The following SYNE3 variants were observed in gnomAD, a reference collection of about 807,000 sequenced individuals.
SYNE3 encodes nesprin-3.
Under a neutral mutation model 111.2 loss-of-function variants are expected in SYNE3, and 100 were observed. That is an observed-to-expected ratio of 0.90 (90% CI 0.77 to 1.06). The LOEUF is 1.06. Ranked by LOEUF, SYNE3 falls within the 50% of genes least tolerant of loss-of-function variation. The pLI is 0.00. For missense variants in SYNE3, 1,160 were observed against 1,240.3 expected, an observed-to-expected ratio of 0.94 and a Z score of 0.97; for synonymous variants, 547 against 533.9, an observed-to-expected ratio of 1.02 and a Z score of -0.34.
chr14:95,439,819 G>A, intron 12 of SYNE3, 35 bp from the exon 13 acceptor site: 1 of 1,596,460 alleles, frequency 6.3e-7, no homozygotes, highest in Non-Finnish European at 8.5e-7. Context: ...CACACACACG[G>A]TGAGGGTGGA....
At chr14:95,508,353 A>G (rs929061299) in intron 1 of SYNE3, among the ~76,000 whole-genome samples, 1 of 152,248 alleles carries the variant, frequency 6.6e-6, no homozygotes, top group East Asian at 1.9e-4. Context: ...AATGGACTCC[A>G]TCGGCCCATT....
intron 1 of SYNE3, among the ~76,000 whole-genome samples, chr14:95,480,761 T>TG (rs1889191534): frequency 6.9e-6 from 1 of 145,588 alleles, no homozygotes; most frequent in South Asian, 2.2e-4. Context: ...TGATGCAAAC[T>TG]GAAAAAAAAA....
Position 95,412,491 on chromosome 14 carries a change from G to A in SYNE3, c.*5335C>T, listed in dbSNP as rs1209657218. ...GAGAATGCTTGTTGCATTGGATTAA[G>A]ATGCAAAGAGGCACAGGGCACTTCT... is the stretch of plus-strand genomic sequence containing the variant. On this transcript the variant is annotated 3_prime_UTR_variant, in exon 18 of 18. Coordinates refer to ENST00000682763, the MANE Select transcript of SYNE3 (RefSeq NM_152592.6). The A allele has an allele frequency of 2.0e-5, 3 of 152,298 alleles. No homozygotes were observed. The highest frequency in any genetic ancestry group is 6.5e-5 in the Admixed American group (1 of 15,282). 9.4% of individuals were successfully genotyped at this position (152,298 alleles called of 1,614,324 possible). A position where few individuals can be genotyped will look rare whatever the true frequency, so the allele number is the denominator to read the frequency against.
chr14:95,452,420 C>T, intron 6 of SYNE3, 37 bp from the exon 7 acceptor site: 2 of 1,575,168 alleles, frequency 1.3e-6, no homozygotes, highest in South Asian at 1.2e-5. Flanking sequence ...GGAGGTGAGG[C>T]TCCTCAACAG....
At chr14:95,437,068 C>T (rs1164273193) in intron 14 of SYNE3, 87 bp from the exon 15 acceptor site, 13 of 1,560,552 alleles carry the variant, frequency 8.3e-6, no homozygotes, top group Admixed American at 3.5e-5. Flanking sequence ...GGCAGAGGGG[C>T]AGGGACCAGG....
At position 95,443,095 on chromosome 14, in the gene SYNE3, G is replaced by A. The variant is rs147420715; in HGVS notation, c.1911+60C>T. The A allele has an allele frequency of 2.9e-3, 4,573 of 1,599,470 alleles. 92 individuals carry two copies. The African/African-American group carries it at 0.049, about 17-fold the overall frequency. On this transcript the variant is annotated intron_variant, in intron 11 of 17. Transcript: ENST00000682763. ...GGAAAGGGGAAGAAAGGCCCCAGGCGTGTTGGATGACAGGGGCCGGCTCTC... is the reference window on the plus strand; with the variant it reads ...GGAAAGGGGAAGAAAGGCCCCAGGCATGTTGGATGACAGGGGCCGGCTCTC...
chr14:95,440,194 A>G, intron 11 of SYNE3, 119 bp from the exon 12 acceptor site: 4 of 1,159,272 alleles, frequency 3.5e-6, no homozygotes, highest in Non-Finnish European at 4.8e-6. Flanking sequence ...CTCCCCACCA[A>G]GTAGCACCAC....
Position 95,410,974 on chromosome 14 carries a change from G to A in SYNE3, c.*6852C>T, listed in dbSNP as rs7140294. On this transcript the variant is annotated 3_prime_UTR_variant, in exon 18 of 18. Coordinates refer to ENST00000682763, the MANE Select transcript of SYNE3 (RefSeq NM_152592.6). ...CCTGTCTAGTGCTGAGCAGTATCAA[G>A]CTGTCATCCAGTGGGTGCAGAGACC... The A allele has an allele frequency of 0.58, 87,654 of 151,742 alleles. 25,816 individuals carry two copies. Among genetic ancestry groups the A allele is most frequent in the East Asian group, 0.78 (4,023 of 5,130 alleles). The allele number at this position is 151,742 out of a possible 1,614,324, so 9.4% of individuals were successfully genotyped here. A position where few individuals can be genotyped will look rare whatever the true frequency, so the allele number is the denominator to read the frequency against.
chr14:95,455,762 GA>G (rs746137168), intron 5 of SYNE3, 38 bp from the exon 6 acceptor site: 2 of 1,592,998 alleles, frequency 1.3e-6, no homozygotes, highest in East Asian at 4.5e-5. Context: ...AACAGGCAGG[GA>G]AAAAGAATAC....
intron 15 of SYNE3, 49 bp from the exon 16 acceptor site, chr14:95,433,458 GCCCCA>G: frequency 6.2e-7 from 1 of 1,605,548 alleles, no homozygotes; most frequent in Admixed American, 1.7e-5. Context: ...GGCCCAGACA[GCCCCA>G]CCTGAATGGT....
intron 1 of SYNE3, among the ~76,000 whole-genome samples, chr14:95,496,990 C>T (rs1890120739): frequency 6.6e-6 from 1 of 152,212 alleles, no homozygotes. Context: ...GCTGCTGGCC[C>T]TCTTTTCAGG....
Position 95,413,124 on chromosome 14 carries a change from C to T in SYNE3, c.*4702G>A, listed in dbSNP as rs1342115491. 6.6e-6 allele frequency: 1 copy of T among 152,126 alleles called. No individual in the cohort carries two copies. The highest frequency in any genetic ancestry group is 1.5e-5 in the Non-Finnish European group (1 of 68,040). The allele number at this position is 152,126 out of a possible 1,614,324, so 9.4% of individuals were successfully genotyped here. A position where few individuals can be genotyped will look rare whatever the true frequency, so the allele number is the denominator to read the frequency against. ...AAGTTGGGAACCATGAAGGCACAGC[C>T]TGCCATTCCCATTCTCTTTTTCTCT... On this transcript the variant is annotated 3_prime_UTR_variant, in exon 18 of 18. Coordinates refer to ENST00000682763, the MANE Select transcript of SYNE3 (RefSeq NM_152592.6).
intron 1 of SYNE3, among the ~76,000 whole-genome samples, chr14:95,511,154 A>G (rs1890707152): frequency 6.6e-6 from 1 of 152,204 alleles, no homozygotes; most frequent in South Asian, 2.1e-4. Context: ...AAGGCACTGA[A>G]CCTCTCTGAA....
At chr14:95,461,561 A>G (rs1887819380) in intron 4 of SYNE3, among the ~76,000 whole-genome samples, 1 of 152,090 alleles carries the variant, frequency 6.6e-6, no homozygotes, top group Admixed American at 6.6e-5. Flanking sequence ...GTCCCCATCA[A>G]CCCTAGAGGC....
At chr14:95,435,479 C>A (rs1886033594) in intron 15 of SYNE3, among the ~76,000 whole-genome samples, 1 of 151,884 alleles carries the variant, frequency 6.6e-6, no homozygotes, top group Non-Finnish European at 1.5e-5. Flanking sequence ...AGACATAAAG[C>A]ACACAGTGAG....
chr14:95,497,446 C>G (rs934190360), intron 1 of SYNE3, among the ~76,000 whole-genome samples: 1 of 88,394 alleles, frequency 1.1e-5, no homozygotes, highest in Non-Finnish European at 2.2e-5. Flanking sequence ...ACAGTTTTCC[C>G]GAGGGGAGAA....
rs1221942145 is a variant in SYNE3, at chr14:95,436,008, A to G, written c.2538+812T>C. Among the ~76,000 whole-genome samples the G allele has an allele frequency of 2.0e-5, 3 of 152,210 alleles. No homozygotes were observed. The East Asian group carries it at 5.8e-4, about 29-fold the overall frequency. ...GTGCGAGGGAAGAGAAACACAAAATATCTAGGAGGTGGAATCAAGGAGCTT... is the reference window on the plus strand; with the variant it reads ...GTGCGAGGGAAGAGAAACACAAAATGTCTAGGAGGTGGAATCAAGGAGCTT... On this transcript the variant is annotated intron_variant, in intron 15 of 17. Transcript: ENST00000682763.
At chr14:95,484,476 G>A (rs766225987) in intron 1 of SYNE3, among the ~76,000 whole-genome samples, 10 of 152,154 alleles carry the variant, frequency 6.6e-5, no homozygotes, top group African/African-American at 1.7e-4. Flanking sequence ...GGGCGGAGCC[G>A]GTCAGAGGGC....
At chr14:95,444,206 T>C (rs1886570891) in intron 10 of SYNE3, 1 of 456,206 alleles carries the variant, frequency 2.2e-6, no homozygotes. Flanking sequence ...AGCAAAGCAA[T>C]TCTAAAAACA....
Sources: gnomAD v4.1 joint callset for allele counts (sites outside exome capture counted in the v4.1 genomes callset) on GRCh38, gnomAD v4.1.1 for gene constraint, MANE v1.5 for transcripts, NCBI Gene and HGNC (gene_info 2026-07-23, HGNC 2026-07-21) for gene names.